RASSF8: variants seen among roughly 807,000 people sequenced by gnomAD.
RASSF8 encodes ras association domain-containing protein 8.
RASSF8 carries 22 observed loss-of-function variants against 48.5 expected under a neutral mutation model. That is an observed-to-expected ratio of 0.45 (90% CI 0.32 to 0.65). The LOEUF (loss-of-function observed/expected upper bound fraction) is 0.65. Ranked by LOEUF, RASSF8 falls within the 30% of genes least tolerant of loss-of-function variation. The pLI is 0.03. For synonymous variants in RASSF8, 127 were observed against 171.5 expected (o/e 0.74, Z 2.03); for missense variants, 418 against 489.2 (o/e 0.85, Z 1.37).
At chr12:26,035,516 A>AATTATATGAAATTATATAATTATATAAT (rs1943125620) in intron 2 of RASSF8, among the ~76,000 whole-genome samples, 1 of 143,094 alleles carries the variant, frequency 7.0e-6, no homozygotes, top group Non-Finnish European at 1.5e-5. Context: ...TATATAATAT[A>AATTATATGAAATTATATAATTATATAAT]ATTATATGAA....
downstream of RASSF8, among the ~76,000 whole-genome samples, chr12:26,073,748 T>TACACACACACACAC (rs5797160): frequency 3.7e-4 from 50 of 134,762 alleles, no homozygotes; most frequent in African/African-American, 1.3e-3. Context: ...TCTCTCTCTA[T>TACACACACACACAC]ACACACACAC....
At chr12:25,992,955 T>C (rs773050006) in intron 1 of RASSF8, among the ~76,000 whole-genome samples, 6 of 152,222 alleles carry the variant, frequency 3.9e-5, no homozygotes, top group Non-Finnish European at 7.3e-5. Flanking sequence ...TTGGATCTTT[T>C]GGTTTGTTAG....
intron 1 of RASSF8, among the ~76,000 whole-genome samples, chr12:25,986,297 C>T (rs1045245795): frequency 1.3e-5 from 2 of 152,182 alleles, no homozygotes; most frequent in Non-Finnish European, 2.9e-5. Context: ...AAAAGACACA[C>T]CAGGTGTACT....
intron 2 of RASSF8, among the ~76,000 whole-genome samples, chr12:26,008,646 AT>A (rs1435600889): frequency 6.6e-6 from 1 of 152,242 alleles, no homozygotes; most frequent in Non-Finnish European, 1.5e-5. Context: ...GTAATTTCTT[AT>A]AGTAATATTT....
intron 2 of RASSF8, among the ~76,000 whole-genome samples, chr12:26,003,896 G>C (rs1942321769): frequency 6.6e-6 from 1 of 152,088 alleles, no homozygotes. Flanking sequence ...GTATCAAGGG[G>C]CCAGGTGCGG....
chr12:25,972,177 C>T (rs1941500628), intron 1 of RASSF8, among the ~76,000 whole-genome samples: 2 of 152,130 alleles, frequency 1.3e-5, no homozygotes, highest in South Asian at 4.1e-4. Flanking sequence ...TTAGGTGATA[C>T]TGAAATCTAG....
intron 2 of RASSF8, among the ~76,000 whole-genome samples, chr12:26,046,738 G>A (rs759948438): frequency 2.0e-5 from 3 of 152,180 alleles, no homozygotes; most frequent in Non-Finnish European, 4.4e-5. Flanking sequence ...AATTCTTGTT[G>A]CTAGATTCAG....
chr12:26,063,308 A>T (rs2729638), intron 3 of RASSF8, among the ~76,000 whole-genome samples: 105,414 of 152,170 alleles, frequency 0.69, 36,566 homozygotes, highest in East Asian at 0.8. Flanking sequence ...TGGCATTACA[A>T]TCATATTCTT....
intron 2 of RASSF8, among the ~76,000 whole-genome samples, chr12:26,030,592 G>A (rs144052267): frequency 1.3e-4 from 20 of 152,268 alleles, no homozygotes; most frequent in African/African-American, 4.8e-4. Flanking sequence ...AGATGTTGCA[G>A]TGCAACAGAA....
intron 2 of RASSF8, among the ~76,000 whole-genome samples, chr12:26,034,889 G>C: frequency 6.6e-6 from 1 of 151,908 alleles, no homozygotes; most frequent in East Asian, 1.9e-4. Flanking sequence ...ACCAAGTGTA[G>C]ATGCATTCTC....
At chr12:26,017,829 G>C (rs954105014) in intron 2 of RASSF8, among the ~76,000 whole-genome samples, 8 of 152,180 alleles carry the variant, frequency 5.3e-5, no homozygotes, top group African/African-American at 1.9e-4. Flanking sequence ...ACTTCACATG[G>C]AGTGACTATC....
intron 2 of RASSF8, among the ~76,000 whole-genome samples, chr12:26,025,694 T>G (rs973395220): frequency 2.0e-5 from 3 of 152,132 alleles, no homozygotes; most frequent in African/African-American, 4.8e-5. Flanking sequence ...TCAACAAGAT[T>G]GCTGGATACA....
chr12:26,055,762 T>C (rs1943588707), intron 3 of RASSF8, among the ~76,000 whole-genome samples: 1 of 152,228 alleles, frequency 6.6e-6, no homozygotes, highest in South Asian at 2.1e-4. Flanking sequence ...AGATTAAGAA[T>C]TTAGATTCTT....
At chr12:26,059,692 T>TA (rs1481117195) in intron 3 of RASSF8, among the ~76,000 whole-genome samples, 12 of 152,210 alleles carry the variant, frequency 7.9e-5, no homozygotes, top group African/African-American at 2.9e-4. Context: ...TTTATTTTAA[T>TA]TAGCTTCTGT....
At chr12:26,014,570 A>G (rs1475078235) in intron 2 of RASSF8, among the ~76,000 whole-genome samples, 1 of 152,188 alleles carries the variant, frequency 6.6e-6, no homozygotes, top group African/African-American at 2.4e-5. Flanking sequence ...CTCCATGTCA[A>G]ATTTTTTTTC....
rs563925848 is a variant in RASSF8 at position 26,068,365 on chromosome 12, C to G, written c.1139-332C>G. Among the ~76,000 whole-genome samples, 14 of 152,116 alleles carry G rather than the reference C, an allele frequency of 9.2e-5. No individual in the cohort carries two copies. The South Asian group carries it at 2.3e-3, about 25-fold the overall frequency. On this transcript the variant is annotated intron_variant, in intron 5 of 5. Coordinates refer to ENST00000689635, the MANE Select transcript of RASSF8 (RefSeq NM_001394098.1). ...CTCTGTTCCTTATGCCCCCCTTTTC[C>G]TTCTTTTTCTTCTAAAAGTTATTAT...
chr12:25,989,944 C>T (rs1941975597), intron 1 of RASSF8, among the ~76,000 whole-genome samples: 1 of 152,166 alleles, frequency 6.6e-6, no homozygotes, highest in African/African-American at 2.4e-5. Flanking sequence ...GTCACCTGAA[C>T]CCGGGAAGGT....
intron 3 of RASSF8, among the ~76,000 whole-genome samples, chr12:26,057,112 G>C (rs963779420): frequency 1.3e-5 from 2 of 151,640 alleles, no homozygotes; most frequent in African/African-American, 4.8e-5. Flanking sequence ...GTGTGTGTGT[G>C]TGTGTGTGTG....
At chr12:25,984,268 G>T (rs1207434739) in intron 1 of RASSF8, among the ~76,000 whole-genome samples, 1 of 130,658 alleles carries the variant, frequency 7.7e-6, no homozygotes, top group Non-Finnish European at 1.6e-5. Context: ...TTGTAGAGAT[G>T]GGGTCTTGTT....
Sources: gnomAD v4.1 joint callset for allele counts (sites outside exome capture counted in the v4.1 genomes callset) on GRCh38, gnomAD v4.1.1 for gene constraint, MANE v1.5 for transcripts, NCBI Gene and HGNC (gene_info 2026-07-23, HGNC 2026-07-21) for gene names.